Variants in AKAP9 observed in about 807,000 individuals in gnomAD.
AKAP9 encodes A-kinase anchoring protein 9.
In AKAP9, 311 loss-of-function variants were observed where a neutral mutation model predicts 488.5. The ratio of observed to expected loss-of-function variants is 0.64; its 90% CI spans 0.58 to 0.70. The LOEUF (loss-of-function observed/expected upper bound fraction) is 0.70. AKAP9 is among the 30% of genes least tolerant of loss of function. The pLI is 0.00. For missense variants in AKAP9, 4,215 were observed against 4,374.5 expected, an observed-to-expected ratio of 0.96 and a Z score of 1.03; for synonymous variants, 1,462 against 1,483.5, an observed-to-expected ratio of 0.99 and a Z score of 0.33.
chr7:92,109,306 C>T (rs2130929120), intron 49 of AKAP9, among the ~76,000 whole-genome samples: 1 of 152,292 alleles, frequency 6.6e-6, no homozygotes, highest in Non-Finnish European at 1.5e-5. Context: ...CCCTATCTCA[C>T]TTCAGTTCAC....
At chr7:92,026,331 C>CCTCTCTT (rs978384159) in intron 14 of AKAP9, among the ~76,000 whole-genome samples, 3 of 151,996 alleles carry the variant, frequency 2.0e-5, no homozygotes, top group Middle Eastern at 3.2e-3. Context: ...TCTCCCTCTC[C>CCTCTCTT]CTCTCTTCTC....
intron 40 of AKAP9, among the ~76,000 whole-genome samples, 196 bp downstream of exon 40, chr7:92,095,369 T>C (rs1373906391): frequency 6.6e-6 from 1 of 152,188 alleles, no homozygotes; most frequent in African/African-American, 2.4e-5. Context: ...TTTTGTTTGT[T>C]TGTTTGTTTT....
chr7:92,070,073 G>T lies in AKAP9; in HGVS notation c.6374G>T (p.Cys2125Phe). Residue 2125 changes from cysteine to phenylalanine, a missense_variant, in exon 27 of 50, where the codon TGC (cysteine) becomes TTC (phenylalanine). This residue lies in a region of AKAP9 where 2,361 missense variants were observed against 2,430.0 expected (regional missense o/e 0.97). Transcript: ENST00000356239. ...ANHLKEKTDK[C>F]SELLLSKEQL... is the part of the protein sequence containing the mutation. ...CATCTGAAAGAAAAAACAGACAAAT[G>T]CAGTGAGCTTTTGCTCTCTAAAGAG... 1 of 1,613,688 alleles carries T rather than the reference G, an allele frequency of 6.2e-7. No homozygotes were observed. Among genetic ancestry groups the T allele is most frequent in the Non-Finnish European group, 8.5e-7 (1 of 1,179,930 alleles).
At chr7:91,994,485 G>C (rs908794749) in intron 5 of AKAP9, 136 bp from the exon 6 acceptor site, 2 of 797,234 alleles carry the variant, frequency 2.5e-6, no homozygotes, top group African/African-American at 3.5e-5. Context: ...TAAGTTAATA[G>C]TTTTCAAATG....
chr7:91,943,946 A>C (rs1791106244), intron 1 of AKAP9, among the ~76,000 whole-genome samples: 1 of 152,218 alleles, frequency 6.6e-6, no homozygotes, highest in African/African-American at 2.4e-5. Context: ...TGCAAACCAC[A>C]ACTTACAAAT....
In AKAP9 at chr7:92,047,871, T is replaced by C. The variant is rs563830655; in HGVS notation, c.5368+2658T>C. On this transcript the variant is annotated intron_variant, in intron 21 of 49. Transcript: ENST00000356239. The stretch of plus-strand genomic sequence containing the variant: ...TATCATTGGTTACATTTACTTTCCA[T>C]TTAGTTAACTCCATCTTACTGTTTT... Among the ~76,000 whole-genome samples the C allele has an allele frequency of 3.0e-4, 46 of 152,330 alleles. 2 individuals are homozygous for C. The highest frequency in any genetic ancestry group is 1.7e-3 in the South Asian group (8 of 4,832).
chr7:91,971,791 G>T (rs558033158), intron 1 of AKAP9, among the ~76,000 whole-genome samples: 73 of 151,158 alleles, frequency 4.8e-4, no homozygotes, highest in Non-Finnish European at 7.5e-4. Flanking sequence ...GGATGGTCTC[G>T]ATCTCCTGAC....
chr7:92,078,190 G>A (rs1055172262), intron 30 of AKAP9, among the ~76,000 whole-genome samples: 3 of 151,948 alleles, frequency 2.0e-5, no homozygotes, highest in African/African-American at 7.2e-5. Flanking sequence ...TAGAGATGGG[G>A]TTTCACCATG....
chr7:91,994,749 T>C lies in AKAP9; in HGVS notation c.705T>C (p.Ser235=). 1 of 1,611,436 alleles carries C rather than the reference T, an allele frequency of 6.2e-7. No individual in the cohort carries two copies. Among genetic ancestry groups the C allele is most frequent in the Non-Finnish European group, 8.5e-7 (1 of 1,179,058 alleles). Reference sequence around the variant, plus strand: ...AATTTTTAGAGTTGACAGAACAGAGTCAAAAATTACAGATTCAATTTCAGC... The same window carrying C: ...AATTTTTAGAGTTGACAGAACAGAGCCAAAAATTACAGATTCAATTTCAGC... The part of the protein sequence containing the change: ...MREFLELTEQ[S]QKLQIQFQQL... Residue 235 remains serine, a synonymous_variant, in exon 6 of 50, where the codon AGT becomes AGC. Transcript: ENST00000356239.
In AKAP9 at chr7:92,072,864, C is replaced by T. The variant is rs552233971; in HGVS notation, c.6612+1855C>T. Among the ~76,000 whole-genome samples, 4 of 152,274 alleles carry T rather than the reference C, an allele frequency of 2.6e-5. No homozygotes were observed. The East Asian group carries it at 7.7e-4, about 29-fold the overall frequency. On this transcript the variant is annotated intron_variant, in intron 28 of 49. Coordinates refer to ENST00000356239, the MANE Select transcript of AKAP9 (RefSeq NM_005751.5). ...GCCCTTTTACCGTTAACACTTTCTT[C>T]CCGAGGACAGACTCTGTTATCCCCA...
chr7:92,031,444 G>A (rs777793681), intron 15 of AKAP9, 68 bp from the exon 16 acceptor site: 2 of 1,117,276 alleles, frequency 1.8e-6, no homozygotes, highest in East Asian at 2.4e-5. Context: ...AGATTTTGAG[G>A]TAGAAGTTTA....
chr7:92,027,620 C>A (rs13307258), intron 14 of AKAP9, among the ~76,000 whole-genome samples: 2 of 112,344 alleles, frequency 1.8e-5, no homozygotes, highest in Non-Finnish European at 3.7e-5. Flanking sequence ...TCTGCCTGGC[C>A]GCCCCGTCTG....
chr7:92,057,976 G>GT (rs944018960), intron 22 of AKAP9: 10 of 232,892 alleles, frequency 4.3e-5, no homozygotes, highest in East Asian at 1.3e-4. Context: ...TAGATTTGTA[G>GT]TTTTTTTCCT....
In AKAP9 at chr7:92,076,848, A is replaced by T; in HGVS notation, c.6613-7A>T. 2.1e-6 allele frequency: 3 copies of T among 1,405,602 alleles called. No homozygotes were observed. The highest frequency in any genetic ancestry group is 2.0e-6 in the Non-Finnish European group (2 of 1,017,912). 87.1% of individuals were successfully genotyped at this position (1,405,602 alleles called of 1,614,324 possible). On this transcript the variant is annotated splice_polypyrimidine_tract_variant and splice_region_variant and intron_variant, in intron 28 of 49. Coordinates refer to ENST00000356239, the MANE Select transcript of AKAP9 (RefSeq NM_005751.5). ...TTTTTTCTCTTTTGATAATTTTGTT[A>T]TTAAAGATTACAAACTTAGAAGAGC...
Position 92,097,274 on chromosome 7 carries a change from A to G in AKAP9, c.10315A>G (p.Ile3439Val), listed in dbSNP as rs1040204302. The change falls in exon 41 of 50, where the codon ATC (isoleucine) becomes GTC (valine). Residue 3439 changes from isoleucine to valine, a missense_variant. By Grantham distance (29) the Ile-to-Val change is conservative (BLOSUM62 3). Around this residue, in one of 5 missense-constraint regions of AKAP9, gnomAD observed 1,476 missense variants for 1,477.4 expected, o/e 1.00. Coordinates refer to ENST00000356239, the MANE Select transcript of AKAP9 (RefSeq NM_005751.5). ...LDLEGQRLQG[I>V]MQEFQKQELE... ...CCTTGAAGGACAGCGACTACAAGGA[A>G]TCATGCAGGAATTCCAGAAGCAAGA... The G allele has an allele frequency of 4.3e-6, 7 of 1,613,902 alleles. No homozygotes were observed. Among genetic ancestry groups the G allele is most frequent in the African/African-American group, 1.3e-5 (1 of 74,952 alleles).
chr7:91,985,687 G>T (rs1043347781), intron 3 of AKAP9, among the ~76,000 whole-genome samples: 2 of 151,736 alleles, frequency 1.3e-5, no homozygotes, highest in Admixed American at 1.3e-4. Flanking sequence ...TCACTCTTTC[G>T]CCCAGGCTGG....
chr7:92,093,958 C>A (rs1816089019), intron 39 of AKAP9, among the ~76,000 whole-genome samples: 1 of 152,016 alleles, frequency 6.6e-6, no homozygotes, highest in Admixed American at 6.5e-5. Flanking sequence ...TCAAGTGATT[C>A]TCCTGCCTCA....
At chr7:91,942,249 A>G (rs544688672) in intron 1 of AKAP9, among the ~76,000 whole-genome samples, 6 of 152,304 alleles carry the variant, frequency 3.9e-5, no homozygotes, top group Admixed American at 2.0e-4. Flanking sequence ...TTTATTATCA[A>G]TGAAGGGCCA....
At chr7:92,091,370 G>A (rs961175157) in intron 38 of AKAP9, among the ~76,000 whole-genome samples, 4 of 151,946 alleles carry the variant, frequency 2.6e-5, no homozygotes, top group East Asian at 3.9e-4. Context: ...GGAGGATCAC[G>A]AGGTCAGGAG....
Sources: gnomAD v4.1 joint callset for allele counts (sites outside exome capture counted in the v4.1 genomes callset) on GRCh38, gnomAD v4.1.1 for gene constraint, gnomAD v4.1.1 regional missense constraint, MANE v1.5 for transcripts, NCBI Gene and HGNC (gene_info 2026-07-23, HGNC 2026-07-21) for gene names.